HMGA2: variants seen among roughly 807,000 people sequenced by gnomAD.
The protein encoded by HMGA2 is high mobility group protein HMGI-C.
In HMGA2, 8 loss-of-function variants were observed where a neutral mutation model predicts 19.1. That is an observed-to-expected ratio of 0.42 (90% CI 0.25 to 0.76). The LOEUF is 0.76. Among genes scored for constraint, HMGA2 ranks in the 30% least tolerant of loss-of-function variants. The pLI, the probability that HMGA2 is intolerant of heterozygous loss-of-function variation, is 0.28. For synonymous variants in HMGA2, 60 were observed against 48.8 expected (o/e 1.23, Z -0.96); for missense variants, 109 against 136.3 (o/e 0.80, Z 1.00).
chr12:65,875,589 A>ATTTTTTTTTTTTTTT lies in HMGA2; in HGVS notation c.249+37047_249+37061dup. ...CGGGCATATGCCACCGTGCCCGGCT[A>ATTTTTTTTTTTTTTT]TTTTTTTTTTTTTTTTTTTTTTTTT... On this transcript the variant is annotated intron_variant, in intron 3 of 4. Transcript: ENST00000403681. Among the ~76,000 whole-genome samples, 71 of 26,096 alleles carry ATTTTTTTTTTTTTTT rather than the reference A, an allele frequency of 2.7e-3. 26 individuals carry two copies. The highest frequency in any genetic ancestry group is 5.2e-3 in the Non-Finnish European group (61 of 11,768). 17.1% of individuals were successfully genotyped at this position (26,096 alleles called of 152,430 possible).
intron 3 of HMGA2, among the ~76,000 whole-genome samples, chr12:65,871,589 GAAT>G (rs1872713339): frequency 6.6e-6 from 1 of 152,206 alleles, no homozygotes; most frequent in Non-Finnish European, 1.5e-5. Flanking sequence ...CGAGGCTAAA[GAAT>G]AATGAAGCAG....
chr12:65,857,537 C>T (rs1871804232), intron 3 of HMGA2: 2 of 152,104 alleles, frequency 1.3e-5, no homozygotes, highest in African/African-American at 4.8e-5. Context: ...AGAAAGAAAT[C>T]CCATTCTCAT....
At chr12:65,830,853 T>C (rs1870445673) in intron 2 of HMGA2, 1 of 151,902 alleles carries the variant, frequency 6.6e-6, no homozygotes, top group Non-Finnish European at 1.5e-5. Context: ...AAGAACACAA[T>C]TTCCTATGCT....
intron 1 of HMGA2, among the ~76,000 whole-genome samples, 200 bp from the exon 2 acceptor site, chr12:65,827,801 C>T (rs1870282889): frequency 1.3e-5 from 2 of 152,146 alleles, no homozygotes; most frequent in South Asian, 2.1e-4. Context: ...ATAGAGTTTC[C>T]TCTTTGAACC....
intron 3 of HMGA2, chr12:65,843,114 T>G: frequency 8.8e-6 from 2 of 226,888 alleles, no homozygotes; most frequent in Non-Finnish European, 1.7e-5. Context: ...ATTAATGGTT[T>G]TTATAAGAAA....
chr12:65,856,363 G>A (rs1228116062), intron 3 of HMGA2: 1 of 152,192 alleles, frequency 6.6e-6, no homozygotes, highest in Non-Finnish European at 1.5e-5. Context: ...TATTCTACAG[G>A]TGACAAAATG....
intron 2 of HMGA2, among the ~76,000 whole-genome samples, chr12:65,830,357 G>T (rs544106158): frequency 6.6e-6 from 1 of 151,954 alleles, no homozygotes; most frequent in African/African-American, 2.4e-5. Flanking sequence ...TGTTCGTCAG[G>T]ATTTTGCAAT....
At chr12:65,930,389 C>G (rs993879289) in intron 3 of HMGA2, among the ~76,000 whole-genome samples, 2 of 152,172 alleles carry the variant, frequency 1.3e-5, no homozygotes, top group Admixed American at 6.5e-5. Flanking sequence ...CGTACCTGCC[C>G]CTCTGTGGAA....
intron 2 of HMGA2, among the ~76,000 whole-genome samples, chr12:65,835,333 A>G (rs1206118199): frequency 6.6e-6 from 1 of 152,166 alleles, no homozygotes; most frequent in African/African-American, 2.4e-5. Context: ...ACAAACTAAA[A>G]CCCTAACTTG....
intron 3 of HMGA2, among the ~76,000 whole-genome samples, chr12:65,924,732 C>G (rs554943127): frequency 6.6e-6 from 1 of 151,968 alleles, no homozygotes; most frequent in Non-Finnish European, 1.5e-5. Context: ...CAGGAGGCAC[C>G]GGTTGCAGTG....
chr12:65,953,354 G>T (rs1876518147), intron 4 of HMGA2: 1 of 152,162 alleles, frequency 6.6e-6, no homozygotes, highest in Admixed American at 6.5e-5. Context: ...AGGTTATCAA[G>T]GGGATGATAA....
intron 3 of HMGA2, among the ~76,000 whole-genome samples, chr12:65,911,748 T>G (rs1431104330): frequency 1.3e-5 from 2 of 152,192 alleles, no homozygotes; most frequent in Admixed American, 1.3e-4. Flanking sequence ...ATGAGATCCT[T>G]TATTCTCTAA....
intron 3 of HMGA2, among the ~76,000 whole-genome samples, chr12:65,892,658 C>T (rs1383532788): frequency 1.3e-5 from 2 of 152,028 alleles, no homozygotes; most frequent in Non-Finnish European, 2.9e-5. Flanking sequence ...TTGTCATCTC[C>T]GAGAGAATCT....
At chr12:65,953,003 G>A (rs1876506335) in intron 4 of HMGA2, 1 of 152,236 alleles carries the variant, frequency 6.6e-6, no homozygotes, top group African/African-American at 2.4e-5. Context: ...TCTGTGTTCA[G>A]TGATGTCAAG....
At chr12:65,851,021 A>G (rs1010522071) in intron 3 of HMGA2, among the ~76,000 whole-genome samples, 3 of 152,296 alleles carry the variant, frequency 2.0e-5, no homozygotes, top group African/African-American at 7.2e-5. Context: ...TTCAAAATAT[A>G]TCTTCCTACT....
At chr12:65,917,617 C>T (rs1875155860) in intron 3 of HMGA2, among the ~76,000 whole-genome samples, 1 of 151,994 alleles carries the variant, frequency 6.6e-6, no homozygotes, top group Non-Finnish European at 1.5e-5. Context: ...ACACATAAAA[C>T]AGGCAGAAGG....
At chr12:65,845,842 A>G (rs1171504772) in intron 3 of HMGA2, among the ~76,000 whole-genome samples, 2 of 152,054 alleles carry the variant, frequency 1.3e-5, no homozygotes, top group Admixed American at 6.5e-5. Flanking sequence ...AAACACAAAA[A>G]CCTTTATTGC....
chr12:65,875,465 C>T (rs190027469), intron 3 of HMGA2, among the ~76,000 whole-genome samples: 364 of 152,094 alleles, frequency 2.4e-3, no homozygotes, highest in Non-Finnish European at 4.2e-3. Flanking sequence ...TCTCTGTTGC[C>T]CAGGCTGGAG....
At chr12:65,946,905 C>G (rs1316474145) in intron 3 of HMGA2, among the ~76,000 whole-genome samples, 1 of 152,108 alleles carries the variant, frequency 6.6e-6, no homozygotes, top group Non-Finnish European at 1.5e-5. Context: ...TTTTGCTTAT[C>G]TTCTACAGTT....
Sources: gnomAD v4.1 joint callset for allele counts (sites outside exome capture counted in the v4.1 genomes callset) on GRCh38, gnomAD v4.1.1 for gene constraint, MANE v1.5 for transcripts, NCBI Gene and HGNC (gene_info 2026-07-23, HGNC 2026-07-21) for gene names.